The following EEF2K variants were observed in gnomAD, a reference collection of about 807,000 sequenced individuals.
The protein encoded by EEF2K is alternative protein EEF2K.
A neutral mutation model predicts 93.8 loss-of-function variants in EEF2K; 70 were observed. The observed-to-expected ratio is 0.75, with a 90% CI of 0.62 to 0.91. The LOEUF (loss-of-function observed/expected upper bound fraction) is 0.91, where lower values mean the gene tolerates loss of function less well. EEF2K is among the 40% of genes least tolerant of loss of function. The pLI, the probability that EEF2K is intolerant of heterozygous loss-of-function variation, is 0.00. For missense variants in EEF2K, 935 were observed against 972.9 expected, an observed-to-expected ratio of 0.96 and a Z score of 0.52; for synonymous variants, 376 against 380.8, an observed-to-expected ratio of 0.99 and a Z score of 0.15.
chr16:22,253,352 C>T (rs923091427), intron 6 of EEF2K, among the ~76,000 whole-genome samples: 25 of 152,168 alleles, frequency 1.6e-4, no homozygotes, highest in African/African-American at 5.8e-4. Context: ...GTTTGCAGAG[C>T]CCTTGATGAA....
At chr16:22,231,922 T>C (rs1247078007) in intron 2 of EEF2K, among the ~76,000 whole-genome samples, 1 of 142,860 alleles carries the variant, frequency 7.0e-6, no homozygotes, top group Non-Finnish European at 1.5e-5. Context: ...CCTGGGAGGC[T>C]GAGGTTGCAG....
At chr16:22,208,208 G>A (rs986126887) in intron 1 of EEF2K, among the ~76,000 whole-genome samples, 2 of 152,112 alleles carry the variant, frequency 1.3e-5, no homozygotes, top group Non-Finnish European at 1.5e-5. Flanking sequence ...CATAATCATC[G>A]GTGTACATTC....
intron 6 of EEF2K, among the ~76,000 whole-genome samples, chr16:22,255,875 A>G (rs8043807): frequency 0.044 from 6,708 of 151,710 alleles, 502 homozygotes; most frequent in African/African-American, 0.15. Flanking sequence ...ATGACACTGC[A>G]CTCCAGCCTG....
At chr16:22,242,934 A>T (rs2047238569) in intron 2 of EEF2K, among the ~76,000 whole-genome samples, 2 of 152,136 alleles carry the variant, frequency 1.3e-5, no homozygotes, top group African/African-American at 2.4e-5. Context: ...ACAGAAAATT[A>T]AAAAATTAAC....
chr16:22,276,387 A>G (rs565775715), intron 16 of EEF2K, among the ~76,000 whole-genome samples: 1 of 152,272 alleles, frequency 6.6e-6, no homozygotes, highest in South Asian at 2.1e-4. Context: ...AAATCTATCA[A>G]AAGTATTTCT....
intron 2 of EEF2K, among the ~76,000 whole-genome samples, chr16:22,234,489 G>A (rs910632810): frequency 9.9e-5 from 15 of 151,696 alleles, no homozygotes; most frequent in Non-Finnish European, 1.6e-4. Flanking sequence ...CCCGGGAGGC[G>A]GAGGTTGCAG....
Position 22,214,751 on chromosome 16 carries a change from T to G in EEF2K, c.-77+8072T>G, listed in dbSNP as rs941696403. Among the ~76,000 whole-genome samples, 5 of 152,260 alleles carry G rather than the reference T, an allele frequency of 3.3e-5. No homozygotes were observed. The East Asian group carries it at 9.7e-4, about 29-fold the overall frequency. ...CATTTGAGCTGCGTCTTGAAGAGATTAAAGGGTTTTGCTAGTGAGTGGGAA... is the reference window on the plus strand; with the variant it reads ...CATTTGAGCTGCGTCTTGAAGAGATGAAAGGGTTTTGCTAGTGAGTGGGAA... On this transcript the variant is annotated intron_variant, in intron 1 of 17. Coordinates refer to ENST00000263026, the MANE Select transcript of EEF2K (RefSeq NM_013302.5).
At chr16:22,262,641 G>A (rs2047476981) in intron 11 of EEF2K, among the ~76,000 whole-genome samples, 2 of 152,076 alleles carry the variant, frequency 1.3e-5, no homozygotes, top group South Asian at 4.1e-4. Context: ...AAGTGGGTGA[G>A]TCACTCTCAG....
At chr16:22,218,874 C>T (rs1048431247) in intron 1 of EEF2K, among the ~76,000 whole-genome samples, 1 of 151,114 alleles carries the variant, frequency 6.6e-6, no homozygotes, top group African/African-American at 2.4e-5. Context: ...CCTTTAATCC[C>T]CAGCACGTTG....
At chr16:22,253,403 TG>T (rs2047369862) in intron 6 of EEF2K, among the ~76,000 whole-genome samples, 1 of 152,166 alleles carries the variant, frequency 6.6e-6, no homozygotes, top group South Asian at 2.1e-4. Context: ...GTCCCCACCC[TG>T]GGGGGCTGTG....
chr16:22,260,880 G>A (rs920431549), intron 11 of EEF2K, among the ~76,000 whole-genome samples: 2 of 152,182 alleles, frequency 1.3e-5, no homozygotes, highest in Admixed American at 1.3e-4. Context: ...CTGGGTCTTA[G>A]ATGTGTAACA....
intron 4 of EEF2K, among the ~76,000 whole-genome samples, chr16:22,250,335 T>C (rs1035336270): frequency 2.0e-5 from 3 of 152,158 alleles, no homozygotes; most frequent in Non-Finnish European, 4.4e-5. Context: ...TATCTCCACT[T>C]TTTTTCTCTT....
At chr16:22,253,680 G>C (rs375080847) in intron 6 of EEF2K, among the ~76,000 whole-genome samples, 4 of 148,364 alleles carry the variant, frequency 2.7e-5, no homozygotes, top group Non-Finnish European at 6.0e-5. Flanking sequence ...TTTTTTTCCT[G>C]TTCTTTGGAG....
rs1033040965 is a variant in EEF2K at position 22,271,943 on chromosome 16, G to T, written c.1765-1683G>T. ...AACTTCATTTGCCTCTGATGTGAGC[G>T]ACCTCCTTCCTGAATCAGATGGTAG... On this transcript the variant is annotated intron_variant, in intron 15 of 17. Coordinates refer to ENST00000263026, the MANE Select transcript of EEF2K (RefSeq NM_013302.5). Among the ~76,000 whole-genome samples the T allele has an allele frequency of 3.9e-5, 6 of 152,156 alleles. No homozygotes were observed. In the South Asian group the frequency reaches 1.2e-3, roughly 32 times the overall value.
chr16:22,256,902 G>A lies in EEF2K; in HGVS notation c.768+5G>A, dbSNP rs1271134299. 4.3e-6 allele frequency: 7 copies of A among 1,613,462 alleles called. No individual in the cohort carries two copies. The South Asian group carries it at 5.5e-5, about 13-fold the overall frequency. On this transcript the variant is annotated splice_donor_5th_base_variant and intron_variant, in intron 7 of 17. Coordinates refer to ENST00000263026, the MANE Select transcript of EEF2K (RefSeq NM_013302.5). ...AACATCCGCCTGACGCCGCAGGTGA[G>A]GCCGAGCTCACCTCCACCCTCTGCC...
In EEF2K at chr16:22,266,692, A is replaced by C; in HGVS notation, c.1580A>C (p.His527Pro). The change falls in exon 15 of 18, where the codon CAT (histidine) becomes CCT (proline). Residue 527 changes from histidine to proline, a missense_variant. Physicochemically the swap from His to Pro is moderately conservative, Grantham distance 77. Coordinates refer to ENST00000263026, the MANE Select transcript of EEF2K (RefSeq NM_013302.5). ...ACACCGTAGTCTGTGTGGCAGGTCC[A>C]TCTGGCCATGGTGCGCTACCACGAG... Reference protein sequence around the residue: ...KIGKSILGKVHLAMVRYHEGG... With the variant: ...KIGKSILGKVPLAMVRYHEGG... 6.2e-7 allele frequency: 1 copy of C among 1,607,358 alleles called. No individual in the cohort carries two copies. The highest frequency in any genetic ancestry group is 8.5e-7 in the Non-Finnish European group (1 of 1,176,220).
At chr16:22,266,091 A>G (rs1437972757) in intron 13 of EEF2K, among the ~76,000 whole-genome samples, 1 of 152,052 alleles carries the variant, frequency 6.6e-6, no homozygotes, top group Non-Finnish European at 1.5e-5. Flanking sequence ...GCATGGTGGT[A>G]TGCACCTGTC....
chr16:22,275,663 CAG>C (rs1369060248), intron 16 of EEF2K, among the ~76,000 whole-genome samples: 4 of 150,216 alleles, frequency 2.7e-5, no homozygotes, highest in Admixed American at 6.7e-5. Flanking sequence ...ATTTTTGAGA[CAG>C]AGTCTTTCTC....
intron 10 of EEF2K, among the ~76,000 whole-genome samples, chr16:22,259,530 C>T (rs1172442727): frequency 6.6e-6 from 1 of 152,170 alleles, no homozygotes. Flanking sequence ...GCAGGTCATT[C>T]AGTCTCTGCA....
Sources: allele counts gnomAD v4.1 joint callset (sites outside exome capture counted in the v4.1 genomes callset), GRCh38; gene constraint gnomAD v4.1.1; transcripts MANE v1.5; gene names NCBI Gene and HGNC (gene_info 2026-07-23, HGNC 2026-07-21).